Variants in GLI2 observed in about 807,000 individuals in gnomAD.
GLI2 encodes the protein GLI family zinc finger 2.
GLI2 carries 22 observed loss-of-function variants against 78.9 expected under a neutral mutation model. The observed-to-expected ratio is 0.28, with a 90% CI of 0.20 to 0.40. GLI2 has a LOEUF of 0.40. GLI2 is among the 10% of genes least tolerant of loss of function. The pLI is 1.00. For missense variants in GLI2, 2,097 were observed against 2,213.2 expected (o/e 0.95, Z 1.05); for synonymous variants, 974 against 963.7 (o/e 1.01, Z -0.20).
chr2:120,791,778 A>G (rs1684165261), intron 1 of GLI2, among the ~76,000 whole-genome samples: 1 of 151,838 alleles, frequency 6.6e-6, no homozygotes, highest in Admixed American at 6.6e-5. Context: ...ACCATGTGTG[A>G]CTTTATATAT....
At chr2:120,897,092 C>G (rs1211560334) in intron 2 of GLI2, among the ~76,000 whole-genome samples, 1 of 152,206 alleles carries the variant, frequency 6.6e-6, no homozygotes, top group South Asian at 2.1e-4. Flanking sequence ...GGGCTGCCTG[C>G]GGGCACATGC....
chr2:120,830,981 CTCT>C (rs1336081075), intron 2 of GLI2, among the ~76,000 whole-genome samples: 4 of 73,102 alleles, frequency 5.5e-5, no homozygotes, highest in African/African-American at 9.6e-5. Context: ...CTCTCTCTGT[CTCT>C]TTTTTTTTTT....
intron 1 of GLI2, among the ~76,000 whole-genome samples, chr2:120,787,809 C>T (rs142116838): frequency 1.3e-5 from 2 of 152,118 alleles, no homozygotes; most frequent in Non-Finnish European, 2.9e-5. Context: ...GACCTCTAGG[C>T]TTCAGGGCTC....
chr2:120,983,978 T>C lies in GLI2; in HGVS notation c.1633-493T>C, dbSNP rs937563578. 6.9e-5 allele frequency among the ~76,000 whole-genome samples: 10 copies of C among 145,872 alleles called. No individual in the cohort carries two copies. In the Admixed American group the frequency reaches 6.9e-4, roughly 10 times the overall value. ...GTGTGTGTGTGTGTGTGTGTGTGTGTGCATGTTTATGAGTCCAGGACTGAG... is the reference window on the plus strand; with the variant it reads ...GTGTGTGTGTGTGTGTGTGTGTGTGCGCATGTTTATGAGTCCAGGACTGAG... On this transcript the variant is annotated intron_variant, in intron 11 of 13. Coordinates refer to ENST00000361492, the MANE Select transcript of GLI2 (RefSeq NM_001374353.1).
chr2:120,923,543 A>G (rs1679505533), intron 2 of GLI2, among the ~76,000 whole-genome samples: 1 of 151,818 alleles, frequency 6.6e-6, no homozygotes, highest in Non-Finnish European at 1.5e-5. Flanking sequence ...GCACACAGCA[A>G]CACACGCATA....
intron 1 of GLI2, among the ~76,000 whole-genome samples, chr2:120,791,090 C>G (rs1169389088): frequency 6.6e-6 from 1 of 152,134 alleles, no homozygotes; most frequent in Non-Finnish European, 1.5e-5. Flanking sequence ...TGGATGCAGA[C>G]TATGCTGGTC....
chr2:120,814,373 A>G (rs1685396688), intron 2 of GLI2, among the ~76,000 whole-genome samples: 1 of 152,228 alleles, frequency 6.6e-6, no homozygotes, highest in African/African-American at 2.4e-5. Flanking sequence ...GTGGTTAAAC[A>G]TGAATGCTGA....
At chr2:120,826,262 T>G (rs933190923) in intron 2 of GLI2, among the ~76,000 whole-genome samples, 1 of 152,176 alleles carries the variant, frequency 6.6e-6, no homozygotes, top group Admixed American at 6.5e-5. Flanking sequence ...AGCAGTGCCC[T>G]CGTCCCAGTC....
chr2:120,928,958 G>A lies in GLI2; in HGVS notation c.254+1492G>A, dbSNP rs77489121. On this transcript the variant is annotated intron_variant, in intron 3 of 13. Transcript: ENST00000361492. Reference sequence around the variant, plus strand: ...TTGCCCACTAGTGTCTTTTTTTCCTGGTTCAAGACCCAATCCTGGATCCCA... The same window carrying A: ...TTGCCCACTAGTGTCTTTTTTTCCTAGTTCAAGACCCAATCCTGGATCCCA... Among the ~76,000 whole-genome samples, 49 of 152,054 alleles carry A rather than the reference G, an allele frequency of 3.2e-4. No homozygotes were observed. In the East Asian group the frequency reaches 6.6e-3, roughly 20 times the overall value.
At chr2:120,934,008 A>G (rs1288292680) in intron 3 of GLI2, among the ~76,000 whole-genome samples, 1 of 152,232 alleles carries the variant, frequency 6.6e-6, no homozygotes, top group South Asian at 2.1e-4. Flanking sequence ...TGGGTCTTAA[A>G]GATGCCCATT....
intron 2 of GLI2, among the ~76,000 whole-genome samples, chr2:120,903,810 C>T (rs758690809): frequency 3.5e-4 from 54 of 152,170 alleles, no homozygotes; most frequent in Non-Finnish European, 6.6e-4. Flanking sequence ...TGCTGTTCTG[C>T]CCCTCTTTCC....
At chr2:120,865,477 A>T (rs924232706) in intron 2 of GLI2, among the ~76,000 whole-genome samples, 1 of 152,136 alleles carries the variant, frequency 6.6e-6, no homozygotes, top group Non-Finnish European at 1.5e-5. Flanking sequence ...TTCTCCCCCG[A>T]GGCTGAGGAA....
chr2:120,747,092 T>C (rs74791361), intron 1 of GLI2, among the ~76,000 whole-genome samples: 8,270 of 152,326 alleles, frequency 0.054, 365 homozygotes, highest in Admixed American at 0.11. Context: ...CCTGAAATTC[T>C]GTTTCCTTAA....
In GLI2 at chr2:120,753,465, G is replaced by T. The variant is rs1034760386; in HGVS notation, c.-31+17180G>T. ...TGGTTGTTTCAATTTTCATTTTTTA[G>T]CATCAGTAATATTAAATATTTAAAT... On this transcript the variant is annotated intron_variant, in intron 1 of 13. Coordinates refer to ENST00000361492, the MANE Select transcript of GLI2 (RefSeq NM_001374353.1). Among the ~76,000 whole-genome samples the T allele has an allele frequency of 2.0e-5, 3 of 152,034 alleles. No individual in the cohort carries two copies. The East Asian group carries it at 5.8e-4, about 29-fold the overall frequency.
chr2:120,736,533 A>C (rs116539133), intron 1 of GLI2, among the ~76,000 whole-genome samples: 2,184 of 151,446 alleles, frequency 0.014, 46 homozygotes, highest in African/African-American at 0.05. Context: ...GCTCGTGGCC[A>C]GAGGTCGATG....
intron 6 of GLI2, 42 bp downstream of exon 6, chr2:120,968,957 G>A (rs1269702907): frequency 2.0e-6 from 3 of 1,522,850 alleles, no homozygotes; most frequent in Non-Finnish European, 1.8e-6. Context: ...ACCAGAGCTG[G>A]GCTGAGGGCC....
At chr2:120,798,907 C>T (rs1312810139) in intron 2 of GLI2, among the ~76,000 whole-genome samples, 1 of 152,212 alleles carries the variant, frequency 6.6e-6, no homozygotes, top group Non-Finnish European at 1.5e-5. Flanking sequence ...CTCCAGGAAG[C>T]CTGGCCTCTG....
intron 1 of GLI2, among the ~76,000 whole-genome samples, chr2:120,793,756 C>T (rs1684255346): frequency 6.6e-6 from 1 of 152,230 alleles, no homozygotes; most frequent in African/African-American, 2.4e-5. Flanking sequence ...AGTCTGGGAG[C>T]TGGGCATCTG....
chr2:120,803,703 A>G (rs1219215944), intron 2 of GLI2, among the ~76,000 whole-genome samples: 1 of 152,228 alleles, frequency 6.6e-6, no homozygotes, highest in African/African-American at 2.4e-5. Context: ...GCTGGAGACC[A>G]GACCAGACCA....
Sources: allele counts gnomAD v4.1 joint callset (sites outside exome capture counted in the v4.1 genomes callset), GRCh38; gene constraint gnomAD v4.1.1; transcripts MANE v1.5; gene names NCBI Gene and HGNC (gene_info 2026-07-23, HGNC 2026-07-21).